Variants in MYO18B observed in about 807,000 individuals in gnomAD.
MYO18B encodes unconventional myosin-XVIIIb.
MYO18B carries 204 observed loss-of-function variants against 273.0 expected under a neutral mutation model. The ratio of observed to expected loss-of-function variants is 0.75; its 90% CI spans 0.67 to 0.84. MYO18B has a LOEUF of 0.84. Among genes scored for constraint, MYO18B ranks in the 40% least tolerant of loss-of-function variants. MYO18B has a pLI of 0.00. For missense variants in MYO18B, 3,212 were observed against 3,287.6 expected (o/e 0.98, Z 0.56); for synonymous variants, 1,330 against 1,305.7 (o/e 1.02, Z -0.40).
At chr22:25,817,198 C>G (rs773951297) in intron 12 of MYO18B, among the ~76,000 whole-genome samples, 113 of 146,222 alleles carry the variant, frequency 7.7e-4, no homozygotes, top group Non-Finnish European at 1.6e-3. Flanking sequence ...CCCTTCCTCC[C>G]TTTTTCTTTC....
intron 1 of MYO18B, among the ~76,000 whole-genome samples, chr22:25,749,728 G>A (rs978983633): frequency 3.3e-5 from 5 of 152,158 alleles, no homozygotes; most frequent in African/African-American, 1.2e-4. Flanking sequence ...CTCCTGGGAC[G>A]TTCTTTTCCT....
At chr22:25,947,191 G>C (rs1463932837) in intron 35 of MYO18B, among the ~76,000 whole-genome samples, 1 of 151,494 alleles carries the variant, frequency 6.6e-6, no homozygotes, top group Non-Finnish European at 1.5e-5. Flanking sequence ...GCGATCACCA[G>C]GCACACATAC....
intron 39 of MYO18B, among the ~76,000 whole-genome samples, chr22:25,970,177 A>G (rs2146729715): frequency 6.6e-6 from 1 of 152,156 alleles, no homozygotes; most frequent in South Asian, 2.1e-4. Context: ...TACCACCACC[A>G]CCATCATGAA....
chr22:25,804,474 G>A (rs5761220), intron 12 of MYO18B, among the ~76,000 whole-genome samples: 1 of 152,160 alleles, frequency 6.6e-6, no homozygotes, highest in African/African-American at 2.4e-5. Flanking sequence ...TGTGACGTGC[G>A]CAAGGGCACA....
intron 39 of MYO18B, among the ~76,000 whole-genome samples, chr22:25,967,577 C>T (rs75388057): frequency 0.024 from 3,636 of 152,020 alleles, 150 homozygotes; most frequent in African/African-American, 0.08. Context: ...AGTTGGGAAG[C>T]GAAATGGTTT....
At chr22:25,868,024 G>A (rs1460404606) in intron 21 of MYO18B, among the ~76,000 whole-genome samples, 1 of 152,190 alleles carries the variant, frequency 6.6e-6, no homozygotes, top group East Asian at 1.9e-4. Flanking sequence ...AGGAACCTCT[G>A]TACTGATTTC....
At chr22:26,053,676 T>A in the MYO18B span, among the ~76,000 whole-genome samples, 1 of 152,094 alleles carries the variant, frequency 6.6e-6, no homozygotes, top group Non-Finnish European at 1.5e-5. Flanking sequence ...AGGAATTGCA[T>A]AAGGGTGATC....
chr22:26,043,736 G>T, the MYO18B span, among the ~76,000 whole-genome samples: 1 of 151,844 alleles, frequency 6.6e-6, no homozygotes, highest in South Asian at 2.1e-4. Flanking sequence ...GACTGGTCTC[G>T]AACTCCTGAC....
intron 25 of MYO18B, among the ~76,000 whole-genome samples, chr22:25,887,137 C>G (rs1162909106): frequency 3.3e-5 from 5 of 152,172 alleles, no homozygotes; most frequent in African/African-American, 1.2e-4. Context: ...AATATAAGAG[C>G]TGAGGACAGG....
At chr22:25,810,521 C>T (rs1028378440) in intron 12 of MYO18B, among the ~76,000 whole-genome samples, 1 of 149,026 alleles carries the variant, frequency 6.7e-6, no homozygotes, top group African/African-American at 2.5e-5. Flanking sequence ...GCGACCTCTG[C>T]CTCCCAGTTT....
At chr22:25,887,235 G>C (rs1334604579) in intron 25 of MYO18B, among the ~76,000 whole-genome samples, 1 of 152,166 alleles carries the variant, frequency 6.6e-6, no homozygotes, top group African/African-American at 2.4e-5. Context: ...CTGGCACACA[G>C]TAAGTGCTCA....
intron 12 of MYO18B, among the ~76,000 whole-genome samples, chr22:25,805,784 T>C (rs1037277723): frequency 2.0e-5 from 3 of 152,176 alleles, no homozygotes; most frequent in Non-Finnish European, 4.4e-5. Context: ...ACTCTCTTGC[T>C]ATTCCCTGCA....
Position 25,770,187 on chromosome 22 carries a change from G to A in MYO18B, c.1579+11G>A, listed in dbSNP as rs562257377. 1.1e-5 allele frequency: 17 copies of A among 1,613,742 alleles called. No individual in the cohort carries two copies. The African/African-American group carries it at 2.1e-4, about 20-fold the overall frequency. ...ATGGATTTACTCTTGGTAAGTAGGGGTGTTAGCACCTTTGGAGGGTCTGAG... is the reference window on the plus strand; with the variant it reads ...ATGGATTTACTCTTGGTAAGTAGGGATGTTAGCACCTTTGGAGGGTCTGAG... On this transcript the variant is annotated intron_variant, in intron 5 of 43. Transcript: ENST00000335473.
chr22:25,889,490 G>A (rs2091597396), intron 25 of MYO18B, among the ~76,000 whole-genome samples: 1 of 152,064 alleles, frequency 6.6e-6, no homozygotes, highest in East Asian at 1.9e-4. Flanking sequence ...AGGCTCCAGA[G>A]CAGGAGGGAA....
At position 25,769,200 on chromosome 22, in the gene MYO18B, G is replaced by A. The variant is rs369370140; in HGVS notation, c.1284G>A (p.Ser428=). 4 of 1,607,876 alleles carry A rather than the reference G, an allele frequency of 2.5e-6. No homozygotes were observed. The highest frequency in any genetic ancestry group is 3.4e-6 in the Non-Finnish European group (4 of 1,177,314). The change falls in exon 4 of 44, where the codon TCG becomes TCA. Residue 428 remains serine, a synonymous_variant. Transcript: ENST00000335473. ...APKEVSTMVE[S]PAAPGKGGWP... ...AGGAGGTGAGCACAATGGTGGAGTC[G>A]CCAGCAGCTCCTGGGAAGGGAGGCT...
intron 8 of MYO18B, among the ~76,000 whole-genome samples, chr22:25,779,092 C>T (rs2087033509): frequency 6.6e-6 from 1 of 152,082 alleles, no homozygotes; most frequent in Non-Finnish European, 1.5e-5. Context: ...CTATATATTC[C>T]TTTATGTGTA....
At chr22:25,868,708 G>A (rs1438421562) in intron 22 of MYO18B, among the ~76,000 whole-genome samples, 4 of 152,166 alleles carry the variant, frequency 2.6e-5, no homozygotes, top group African/African-American at 9.7e-5. Flanking sequence ...AACCTGAGAA[G>A]AACTGCTCAT....
At chr22:25,754,800 C>T (rs1279902608) in intron 1 of MYO18B, among the ~76,000 whole-genome samples, 3 of 152,202 alleles carry the variant, frequency 2.0e-5, no homozygotes, top group East Asian at 1.9e-4. Flanking sequence ...GGGGGCAGGA[C>T]ATGAGGGGTG....
At chr22:25,805,375 ACAAATGTT>A (rs1342346108) in intron 12 of MYO18B, among the ~76,000 whole-genome samples, 1 of 152,204 alleles carries the variant, frequency 6.6e-6, no homozygotes, top group Non-Finnish European at 1.5e-5. Context: ...TGGTCAAAGG[ACAAATGTT>A]CCCTGTTTGG....
Sources: allele counts gnomAD v4.1 joint callset (sites outside exome capture counted in the v4.1 genomes callset), GRCh38; gene constraint gnomAD v4.1.1; transcripts MANE v1.5; gene names NCBI Gene and HGNC (gene_info 2026-07-23, HGNC 2026-07-21).